The following WDR72 variants were observed in gnomAD, a reference collection of about 807,000 sequenced individuals.
The protein encoded by WDR72 is WD repeat domain 72, also known as WD repeat-containing protein 72.
In WDR72, 120 loss-of-function variants were observed where a neutral mutation model predicts 124.2. That is an observed-to-expected ratio of 0.97 (90% CI 0.83 to 1.12). The LOEUF (loss-of-function observed/expected upper bound fraction) is 1.12. Among genes scored for constraint, WDR72 ranks in the 50% most tolerant of loss-of-function variants. The pLI, the probability that WDR72 is intolerant of heterozygous loss-of-function variation, is 0.00. For missense variants in WDR72, 1,387 were observed against 1,278.8 expected (o/e 1.08, Z -1.29); for synonymous variants, 452 against 441.7 (o/e 1.02, Z -0.29).
chr15:53,702,269 G>A lies in WDR72; in HGVS notation c.1434C>T (p.Asp478=), dbSNP rs2017205458. 1 of 1,613,940 alleles carries A rather than the reference G, an allele frequency of 6.2e-7. No individual in the cohort carries two copies. Among genetic ancestry groups the A allele is most frequent in the Non-Finnish European group, 8.5e-7 (1 of 1,180,008 alleles). The part of the protein sequence containing the change: ...LYPHGLSSKL[D]QSWMLSGDLD... The stretch of plus-strand genomic sequence containing the variant: ...GGTCCCCAGACAACATCCAACTTTG[G>A]TCTAATTTCGAAGAGAGACCATGTG... Residue 478 remains aspartate (D), a synonymous_variant, in exon 12 of 20, where the codon GAC becomes GAT. Coordinates refer to ENST00000360509, the MANE Select transcript of WDR72 (RefSeq NM_182758.4).
intron 19 of WDR72, among the ~76,000 whole-genome samples, chr15:53,521,341 C>T (rs1428066534): frequency 2.0e-5 from 3 of 152,120 alleles, no homozygotes; most frequent in South Asian, 4.2e-4. Context: ...TGGAGAAATA[C>T]GATGTCTCCA....
chr15:53,592,564 A>C (rs535800401), intron 18 of WDR72, among the ~76,000 whole-genome samples: 32 of 152,210 alleles, frequency 2.1e-4, no homozygotes, highest in African/African-American at 7.7e-4. Flanking sequence ...TTAATTTTCT[A>C]GATAAGTCTT....
At chr15:53,627,412 TG>T (rs1224748991) in intron 14 of WDR72, among the ~76,000 whole-genome samples, 2 of 152,152 alleles carry the variant, frequency 1.3e-5, no homozygotes, top group African/African-American at 4.8e-5. Context: ...CTATTAGACT[TG>T]GACTGGTTAT....
intron 18 of WDR72, among the ~76,000 whole-genome samples, chr15:53,555,291 A>G (rs1893887568): frequency 6.6e-6 from 1 of 151,950 alleles, no homozygotes; most frequent in African/African-American, 2.4e-5. Flanking sequence ...CGTGCACTTC[A>G]CGGAGGACAG....
At chr15:53,611,351 G>A (rs927467144) in intron 16 of WDR72, among the ~76,000 whole-genome samples, 1 of 152,060 alleles carries the variant, frequency 6.6e-6, no homozygotes, top group Non-Finnish European at 1.5e-5. Flanking sequence ...AACAGTAGCT[G>A]CTTAGGCTTT....
chr15:53,719,218 G>A (rs1397110312), intron 3 of WDR72, among the ~76,000 whole-genome samples: 2 of 152,076 alleles, frequency 1.3e-5, no homozygotes, highest in Non-Finnish European at 2.9e-5. Flanking sequence ...ATCTTGCATT[G>A]GAAGTCTATT....
chr15:53,613,585 C>T (rs1005746016), intron 16 of WDR72, 81 bp downstream of exon 16: 1 of 914,062 alleles, frequency 1.1e-6, no homozygotes, highest in African/African-American at 1.6e-5. Context: ...TTTGACACTG[C>T]TAACCAGTTA....
chr15:53,661,009 G>A (rs917453578), intron 14 of WDR72, among the ~76,000 whole-genome samples: 3 of 152,146 alleles, frequency 2.0e-5, no homozygotes, highest in Non-Finnish European at 4.4e-5. Context: ...GACAACCAGT[G>A]CATCACCTCT....
intron 18 of WDR72, among the ~76,000 whole-genome samples, chr15:53,585,447 C>A (rs144716934): frequency 1.3e-5 from 2 of 151,936 alleles, no homozygotes; most frequent in East Asian, 3.9e-4. Flanking sequence ...TCCCTCAGCA[C>A]GTGGGGATTA....
chr15:53,674,996 A>G (rs1321639038), intron 13 of WDR72, among the ~76,000 whole-genome samples: 1 of 152,236 alleles, frequency 6.6e-6, no homozygotes, highest in African/African-American at 2.4e-5. Context: ...AGATGTGTAA[A>G]GATAGCAAAG....
At chr15:53,697,060 T>C (rs888263607) in intron 13 of WDR72, among the ~76,000 whole-genome samples, 1 of 152,226 alleles carries the variant, frequency 6.6e-6, no homozygotes, top group Non-Finnish European at 1.5e-5. Flanking sequence ...ACTATTAATA[T>C]AGACAACCAA....
chr15:53,630,992 T>A (rs757908446), intron 14 of WDR72, among the ~76,000 whole-genome samples: 2 of 152,198 alleles, frequency 1.3e-5, no homozygotes, highest in Non-Finnish European at 2.9e-5. Flanking sequence ...CTATTTGAAC[T>A]AATAAATGAG....
At chr15:53,552,335 A>G (rs146086887) in intron 18 of WDR72, among the ~76,000 whole-genome samples, 10 of 152,264 alleles carry the variant, frequency 6.6e-5, no homozygotes, top group South Asian at 2.1e-4. Flanking sequence ...TAGCTTGTCA[A>G]AATTATTCAA....
intron 18 of WDR72, among the ~76,000 whole-genome samples, chr15:53,580,841 G>A (rs2011883434): frequency 6.6e-6 from 1 of 152,006 alleles, no homozygotes; most frequent in African/African-American, 2.4e-5. Flanking sequence ...AACTAATACA[G>A]CCTCTGTTCT....
At chr15:53,703,323 C>A (rs61001293) in intron 11 of WDR72, among the ~76,000 whole-genome samples, 43,608 of 152,024 alleles carry the variant, frequency 0.29, 6,692 homozygotes, top group Admixed American at 0.33. Context: ...TACCTCTTGG[C>A]TTTACAGATA....
chr15:53,516,440 G>A lies in WDR72; in HGVS notation c.*1259C>T, dbSNP rs1002051099. 1 of 151,806 alleles carries A rather than the reference G, an allele frequency of 6.6e-6. No individual in the cohort carries two copies. Among genetic ancestry groups the A allele is most frequent in the African/African-American group, 2.4e-5 (1 of 41,352 alleles). 9.4% of individuals were successfully genotyped at this position (151,806 alleles called of 1,614,324 possible). A position where few individuals can be genotyped will look rare whatever the true frequency, so the allele number is the denominator to read the frequency against. On this transcript the variant is annotated 3_prime_UTR_variant, in exon 20 of 20. Coordinates refer to ENST00000360509, the MANE Select transcript of WDR72 (RefSeq NM_182758.4). ...TGAGGCTGGTCCCATGCTCAAAAATGTTTCTTTAATTGAAGTGACTTGAAC... is the reference window on the plus strand; with the variant it reads ...TGAGGCTGGTCCCATGCTCAAAAATATTTCTTTAATTGAAGTGACTTGAAC...
At chr15:53,518,197 G>A (rs944090167) in intron 19 of WDR72, among the ~76,000 whole-genome samples, 3 of 151,996 alleles carry the variant, frequency 2.0e-5, no homozygotes, top group Non-Finnish European at 4.4e-5. Context: ...GTTTGAGTTA[G>A]AGAATCAAAC....
chr15:53,648,518 T>G (rs1048794812), intron 14 of WDR72, among the ~76,000 whole-genome samples: 14 of 152,100 alleles, frequency 9.2e-5, no homozygotes, highest in Admixed American at 2.6e-4. Context: ...AAGGTATAGG[T>G]CTGAAGGAAA....
chr15:53,682,442 C>T (rs2140482210), intron 13 of WDR72, among the ~76,000 whole-genome samples: 1 of 152,208 alleles, frequency 6.6e-6, no homozygotes, highest in South Asian at 2.1e-4. Flanking sequence ...TTCAGTGATG[C>T]AGTATTAATT....
Sources: allele counts gnomAD v4.1 joint callset (sites outside exome capture counted in the v4.1 genomes callset), GRCh38; gene constraint gnomAD v4.1.1; transcripts MANE v1.5; gene names NCBI Gene and HGNC (gene_info 2026-07-23, HGNC 2026-07-21).